The following OR7A10 variants were observed in gnomAD, a reference collection of about 807,000 sequenced individuals.
OR7A10 encodes the protein olfactory receptor family 7 subfamily A member 10.
For synonymous variants in OR7A10, 144 were observed against 144.5 expected, an observed-to-expected ratio of 1.00 and a Z score of 0.02; for missense variants, 358 against 370.1, an observed-to-expected ratio of 0.97 and a Z score of 0.27.
chr19:14,848,770 CT>C lies in OR7A10; in HGVS notation c.-284del, dbSNP rs567829308. Reference sequence around the variant, plus strand: ...GACATTTCCTCCTGTTATTCAACCCCTGATCACATTCAGTCCCTGTGGGACA... The same window carrying C: ...GACATTTCCTCCTGTTATTCAACCCCGATCACATTCAGTCCCTGTGGGACA... On this transcript the variant is annotated 5_prime_UTR_variant, in exon 1 of 2. It removes the in-frame stop codon of an upstream open reading frame in the 5' UTR. Coordinates refer to ENST00000641129, the MANE Select transcript of OR7A10 (RefSeq NM_001005190.2). The C allele has an allele frequency of 5.9e-5, 9 of 152,242 alleles. No individual in the cohort carries two copies. The highest frequency in any genetic ancestry group is 1.2e-4 in the Non-Finnish European group (8 of 68,048). 9.4% of individuals were successfully genotyped at this position (152,242 alleles called of 1,614,324 possible).
intron 1 of OR7A10, among the ~76,000 whole-genome samples, chr19:14,843,318 AT>A (rs1230676098): frequency 6.6e-6 from 1 of 152,212 alleles, no homozygotes; most frequent in Non-Finnish European, 1.5e-5. Flanking sequence ...GTACAAATAC[AT>A]TGTGGAATGG....
At chr19:14,844,176 T>C (rs1332530029) in intron 1 of OR7A10, among the ~76,000 whole-genome samples, 6 of 152,214 alleles carry the variant, frequency 3.9e-5, no homozygotes, top group Non-Finnish European at 7.3e-5. Flanking sequence ...TGATAGATCC[T>C]ATACTATGTC....
At chr19:14,847,735 C>T (rs1400646085) in intron 1 of OR7A10, among the ~76,000 whole-genome samples, 4 of 151,548 alleles carry the variant, frequency 2.6e-5, no homozygotes, top group Non-Finnish European at 4.4e-5. Context: ...AGGATGGTCT[C>T]GATCTCCCGA....
chr19:14,840,730 A>G lies in OR7A10; in HGVS notation c.*218T>C. 1 of 432,514 alleles carries G rather than the reference A, an allele frequency of 2.3e-6. No individual in the cohort carries two copies. Among genetic ancestry groups the G allele is most frequent in the Non-Finnish European group, 4.1e-6 (1 of 244,284 alleles). The allele number at this position is 432,514 out of a possible 1,614,324, so 26.8% of individuals were successfully genotyped here. On this transcript the variant is annotated 3_prime_UTR_variant, in exon 2 of 2. Coordinates refer to ENST00000641129, the MANE Select transcript of OR7A10 (RefSeq NM_001005190.2). ...CAAATATTCCATAGTTATTTCATGT[A>G]TGATTGAAAATTATATTCCGTCATA...
chr19:14,842,676 T>C (rs79967822), intron 1 of OR7A10, among the ~76,000 whole-genome samples: 3 of 152,240 alleles, frequency 2.0e-5, no homozygotes, highest in Non-Finnish European at 2.9e-5. Context: ...TACACCCATG[T>C]TGCTGCGAAG....
chr19:14,842,919 T>A (rs1334173737), intron 1 of OR7A10, among the ~76,000 whole-genome samples: 1 of 152,200 alleles, frequency 6.6e-6, no homozygotes, highest in East Asian at 1.9e-4. Flanking sequence ...TGTTCTGTTT[T>A]AAATTCTTTG....
intron 1 of OR7A10, among the ~76,000 whole-genome samples, chr19:14,846,915 A>G (rs1445991827): frequency 6.6e-6 from 1 of 152,162 alleles, no homozygotes; most frequent in African/African-American, 2.4e-5. Flanking sequence ...AAGGTGATTT[A>G]TTCAGCCAAA....
intron 1 of OR7A10, among the ~76,000 whole-genome samples, chr19:14,845,066 C>A (rs796638736): frequency 1.7e-5 from 2 of 119,552 alleles, no homozygotes; most frequent in African/African-American, 3.0e-5. Flanking sequence ...CACACACACA[C>A]ACAAACACAC....
chr19:14,842,886 A>T (rs150727445), intron 1 of OR7A10, among the ~76,000 whole-genome samples: 1 of 152,094 alleles, frequency 6.6e-6, no homozygotes. Context: ...ATACCTAGTA[A>T]TGGGATTGGT....
chr19:14,842,769 A>G (rs1217084442), intron 1 of OR7A10, among the ~76,000 whole-genome samples: 1 of 152,110 alleles, frequency 6.6e-6, no homozygotes, highest in Non-Finnish European at 1.5e-5. Flanking sequence ...TCTACCGTTG[A>G]TGGGCGTCTA....
intron 1 of OR7A10, among the ~76,000 whole-genome samples, chr19:14,847,148 C>T (rs577489949): frequency 6.6e-6 from 1 of 152,206 alleles, no homozygotes; most frequent in South Asian, 2.1e-4. Flanking sequence ...CCAAAATTGG[C>T]AAAAACTCCA....
At chr19:14,842,622 T>C (rs771513893) in intron 1 of OR7A10, among the ~76,000 whole-genome samples, 1 of 152,196 alleles carries the variant, frequency 6.6e-6, no homozygotes, top group Non-Finnish European at 1.5e-5. Flanking sequence ...TGGTATTTGG[T>C]TTCTTGTTCC....
chr19:14,844,668 T>TTTTTTTTTTTTTTTTTTTTTTTTTTG (rs2044932342), intron 1 of OR7A10, among the ~76,000 whole-genome samples: 2 of 133,682 alleles, frequency 1.5e-5, no homozygotes, highest in Admixed American at 1.6e-4. Flanking sequence ...TTCTGTGTTT[T>TTTTTTTTTTTTTTTTTTTTTTTTTTG]TTTTTTTTTT....
At position 14,841,368 on chromosome 19, in the gene OR7A10, T is replaced by C. The variant is rs376801275; in HGVS notation, c.510A>G (p.Thr170=). ...SLMVLPLPFC[T]HMEIPHFFCE... ...AGAAAAAATGAGGGATTTCCATGTG[T>C]GTACAAAAGGGCAGTGGCAACACCA... Residue 170 remains threonine (T), a synonymous_variant, in exon 2 of 2, where the codon ACA becomes ACG. Transcript: ENST00000641129. The C allele has an allele frequency of 1.9e-6, 3 of 1,613,962 alleles. No homozygotes were observed. The highest frequency in any genetic ancestry group is 2.7e-5 in the African/African-American group (2 of 74,890).
rs372178971 is a variant in OR7A10 at position 14,841,353 on chromosome 19, A to G, written c.525T>C (p.Pro175=). ...CCTGATTAATTTCACAGAAAAAATGAGGGATTTCCATGTGTGTACAAAAGG... is the reference window on the plus strand; with the variant it reads ...CCTGATTAATTTCACAGAAAAAATGGGGGATTTCCATGTGTGTACAAAAGG... ...PLPFCTHMEI[P]HFFCEINQVV... The change falls in exon 2 of 2, where the codon CCT becomes CCC. Residue 175 remains proline, a synonymous_variant. Coordinates refer to ENST00000641129, the MANE Select transcript of OR7A10 (RefSeq NM_001005190.2). The G allele has an allele frequency of 3.7e-6, 6 of 1,614,098 alleles. No individual in the cohort carries two copies. In the Admixed American group the frequency reaches 8.3e-5, roughly 22 times the overall value.
intron 1 of OR7A10, among the ~76,000 whole-genome samples, chr19:14,843,833 G>C (rs1301639365): frequency 6.6e-6 from 1 of 152,146 alleles, no homozygotes; most frequent in African/African-American, 2.4e-5. Flanking sequence ...AACACCACAT[G>C]TTCTCACTTA....
Position 14,841,428 on chromosome 19 carries a change from G to C in OR7A10, c.450C>G (p.Ile150Met), listed in dbSNP as rs1288067309. The change falls in exon 2 of 2, where the codon ATC (isoleucine) becomes ATG (methionine). Residue 150 changes from isoleucine (I) to methionine (M), a missense_variant. Ile to Met is a conservative substitution (Grantham distance 10). Coordinates refer to ENST00000641129, the MANE Select transcript of OR7A10 (RefSeq NM_001005190.2). ...GTAACATGGAATTCAGAACACTCAT[G>C]ATCCAGGATGCCAGAACCAGCAGTC... ...LCGLLVLASWIMSVLNSMLQS... is the reference protein window; with the variant it reads ...LCGLLVLASWMMSVLNSMLQS... The C allele has an allele frequency of 7.4e-6, 12 of 1,614,034 alleles. No homozygotes were observed. Among genetic ancestry groups the C allele is most frequent in the Non-Finnish European group, 1.0e-5 (12 of 1,180,020 alleles).
In OR7A10 at chr19:14,841,071, G is replaced by C. The variant is rs762774874; in HGVS notation, c.807C>G (p.His269Gln). The change falls in exon 2 of 2, where the codon CAC becomes CAG. Residue 269 changes from histidine to glutamine, a missense_variant. By Grantham distance (24) the His-to-Gln change is conservative (BLOSUM62 0). Transcript: ENST00000641129. ...ACATCACTGAGGCTGCAGCACCTGT[G>C]TGTGAATTGTGGGTGGCAGCAGAAC... Reference protein sequence around the residue: ...YLSSAATHNSHTGAAASVMYT... With the variant: ...YLSSAATHNSQTGAAASVMYT... 1 of 1,614,110 alleles carries C rather than the reference G, an allele frequency of 6.2e-7. No individual in the cohort carries two copies. The highest frequency in any genetic ancestry group is 8.5e-7 in the Non-Finnish European group (1 of 1,179,984).
Sources: allele counts gnomAD v4.1 joint callset (sites outside exome capture counted in the v4.1 genomes callset), GRCh38; gene constraint gnomAD v4.1.1; transcripts MANE v1.5; gene names NCBI Gene and HGNC (gene_info 2026-07-23, HGNC 2026-07-21).